MAGI2: variants seen among roughly 807,000 people sequenced by gnomAD.
The protein encoded by MAGI2 is membrane-associated guanylate kinase, WW and PDZ domain-containing protein 2.
A neutral mutation model predicts 133.3 loss-of-function variants in MAGI2; 35 were observed. The ratio of observed to expected loss-of-function variants is 0.26; its 90% CI spans 0.20 to 0.35. MAGI2 has a LOEUF of 0.35. MAGI2 is among the 10% of genes least tolerant of loss of function. MAGI2 has a pLI of 1.00. For missense variants in MAGI2, 1,636 were observed against 1,863.4 expected (o/e 0.88, Z 2.25); for synonymous variants, 729 against 710.6 (o/e 1.03, Z -0.41).
chr7:78,400,532 G>A (rs974256134), intron 6 of MAGI2, among the ~76,000 whole-genome samples: 1 of 152,104 alleles, frequency 6.6e-6, no homozygotes, highest in African/African-American at 2.4e-5. Context: ...CAGATCTTGT[G>A]TTTTTATTCA....
intron 2 of MAGI2, among the ~76,000 whole-genome samples, chr7:78,847,235 T>G (rs1792698923): frequency 6.6e-6 from 1 of 151,994 alleles, no homozygotes; most frequent in South Asian, 2.1e-4. Context: ...AGATGCTATT[T>G]TACATATTTT....
At chr7:79,268,914 A>G (rs1834670041) in intron 1 of MAGI2, among the ~76,000 whole-genome samples, 1 of 152,204 alleles carries the variant, frequency 6.6e-6, no homozygotes, top group African/African-American at 2.4e-5. Flanking sequence ...TAGCTCCCAG[A>G]GAGTTTCAAC....
rs1483831251 is a variant in MAGI2, at chr7:78,626,967, T to C, written c.538+153A>G. On this transcript the variant is annotated intron_variant, in intron 3 of 21. Coordinates refer to ENST00000354212, the MANE Select transcript of MAGI2 (RefSeq NM_012301.4). ...TAAAAGTACACTTAATTGAGATGTA[T>C]TTTAACTTTTTTAGGATACATTTCT... Among the ~76,000 whole-genome samples, 7 of 151,920 alleles carry C rather than the reference T, an allele frequency of 4.6e-5. No homozygotes were observed. In the South Asian group the frequency reaches 1.4e-3, roughly 31 times the overall value.
At chr7:78,485,860 C>T (rs1226348305) in intron 6 of MAGI2, 1 of 151,970 alleles carries the variant, frequency 6.6e-6, no homozygotes, top group African/African-American at 2.4e-5. Flanking sequence ...TTTAAAATTA[C>T]TGCACTAAAA....
chr7:79,175,372 T>A (rs1014676796), intron 1 of MAGI2, among the ~76,000 whole-genome samples: 1 of 151,944 alleles, frequency 6.6e-6, no homozygotes, highest in Admixed American at 6.6e-5. Flanking sequence ...AGTTTATTTT[T>A]AAACAAAACA....
At chr7:79,343,443 C>T (rs1008904856) in intron 1 of MAGI2, 3 of 151,854 alleles carry the variant, frequency 2.0e-5, no homozygotes, top group Non-Finnish European at 4.4e-5. Flanking sequence ...TTCACAGACA[C>T]TTTTAGATTT....
intron 2 of MAGI2, among the ~76,000 whole-genome samples, chr7:78,707,677 C>G (rs964514303): frequency 1.3e-5 from 2 of 152,072 alleles, no homozygotes; most frequent in African/African-American, 2.4e-5. Flanking sequence ...GATTTGCATT[C>G]TTATATCTCA....
At chr7:78,896,238 T>C (rs1797204023) in intron 2 of MAGI2, among the ~76,000 whole-genome samples, 2 of 152,112 alleles carry the variant, frequency 1.3e-5, no homozygotes, top group Admixed American at 6.5e-5. Flanking sequence ...TCACTTTCTA[T>C]ATAAATATAT....
chr7:79,238,767 A>G (rs752506906), intron 1 of MAGI2, among the ~76,000 whole-genome samples: 4 of 152,168 alleles, frequency 2.6e-5, no homozygotes, highest in African/African-American at 7.2e-5. Flanking sequence ...TTTGAAATTC[A>G]TACTTTATTT....
chr7:78,420,620 A>T (rs776812895), intron 6 of MAGI2, among the ~76,000 whole-genome samples: 2 of 151,520 alleles, frequency 1.3e-5, no homozygotes, highest in African/African-American at 2.4e-5. Flanking sequence ...GACACTTTCC[A>T]ATTCTCTGGA....
chr7:78,225,456 C>T (rs1024499447), intron 10 of MAGI2, among the ~76,000 whole-genome samples: 1 of 152,036 alleles, frequency 6.6e-6, no homozygotes, highest in Admixed American at 6.5e-5. Flanking sequence ...CTTAGGTGAT[C>T]CTCCTACCTC....
intron 1 of MAGI2, among the ~76,000 whole-genome samples, chr7:79,139,601 G>A (rs753537775): frequency 4.6e-5 from 7 of 152,142 alleles, no homozygotes; most frequent in Non-Finnish European, 1.0e-4. Context: ...TGTCTCAGGA[G>A]TATTACCCGT....
intron 2 of MAGI2, among the ~76,000 whole-genome samples, chr7:78,933,722 G>A (rs1703082230): frequency 6.6e-6 from 1 of 152,106 alleles, no homozygotes; most frequent in Non-Finnish European, 1.5e-5. Flanking sequence ...TGGTTAAAAT[G>A]TGTGGTGGTT....
chr7:79,187,297 A>G (rs1206758430), intron 1 of MAGI2, among the ~76,000 whole-genome samples: 1 of 151,800 alleles, frequency 6.6e-6, no homozygotes, highest in African/African-American at 2.4e-5. Flanking sequence ...AAAGTTATAG[A>G]GCATTTTATG....
chr7:79,034,618 T>C (rs1810935359), intron 1 of MAGI2, among the ~76,000 whole-genome samples: 1 of 152,178 alleles, frequency 6.6e-6, no homozygotes, highest in Admixed American at 6.5e-5. Flanking sequence ...TATGAAGTTA[T>C]AAAAGATACT....
intron 1 of MAGI2, among the ~76,000 whole-genome samples, chr7:79,067,700 C>A (rs1814509853): frequency 6.6e-6 from 1 of 152,190 alleles, no homozygotes; most frequent in Non-Finnish European, 1.5e-5. Context: ...AAAGGGAATG[C>A]TTCCAGCTTT....
chr7:78,182,801 G>T (rs1168301117), intron 13 of MAGI2, among the ~76,000 whole-genome samples: 1 of 152,188 alleles, frequency 6.6e-6, no homozygotes, highest in African/African-American at 2.4e-5. Context: ...AGTCGTTTCT[G>T]TGACACCCCA....
chr7:79,325,317 C>G (rs1839606878), intron 1 of MAGI2, among the ~76,000 whole-genome samples: 1 of 152,220 alleles, frequency 6.6e-6, no homozygotes, highest in Admixed American at 6.6e-5. Context: ...ATGCTCGTGC[C>G]TGGAATGTCC....
At chr7:78,807,542 GCAAA>G (rs1216724670) in intron 2 of MAGI2, among the ~76,000 whole-genome samples, 1 of 152,014 alleles carries the variant, frequency 6.6e-6, no homozygotes, top group Non-Finnish European at 1.5e-5. Flanking sequence ...AGTGAAAAGG[GCAAA>G]CAACTTTTTA....
Sources: allele counts gnomAD v4.1 joint callset (sites outside exome capture counted in the v4.1 genomes callset), GRCh38; gene constraint gnomAD v4.1.1; transcripts MANE v1.5; gene names NCBI Gene and HGNC (gene_info 2026-07-23, HGNC 2026-07-21).